The following MSRB3 variants were observed in gnomAD, a reference collection of about 807,000 sequenced individuals.
The protein encoded by MSRB3 is methionine sulfoxide reductase B3.
Under a neutral mutation model 21.0 loss-of-function variants are expected in MSRB3, and 13 were observed. That is an observed-to-expected ratio of 0.62 (90% CI 0.40 to 0.98). MSRB3 has a LOEUF of 0.98. Ranked by LOEUF, MSRB3 falls within the 50% of genes least tolerant of loss-of-function variation. The pLI is 0.00. For synonymous variants in MSRB3, 87 were observed against 88.6 expected, an observed-to-expected ratio of 0.98 and a Z score of 0.10; for missense variants, 199 against 230.3, an observed-to-expected ratio of 0.86 and a Z score of 0.88.
intron 5 of MSRB3, among the ~76,000 whole-genome samples, chr12:65,371,328 C>CAAAAAA (rs34453745): frequency 1.2e-5 from 1 of 84,854 alleles, no homozygotes; most frequent in Non-Finnish European, 2.2e-5. Context: ...GACTCCATCT[C>CAAAAAA]AAAAAAAAAA....
intron 1 of MSRB3, among the ~76,000 whole-genome samples, chr12:65,294,263 C>T (rs1872824081): frequency 6.6e-6 from 1 of 152,180 alleles, no homozygotes; most frequent in South Asian, 2.1e-4. Context: ...AAGCTCCATA[C>T]CTCATGGCCT....
intron 5 of MSRB3, among the ~76,000 whole-genome samples, chr12:65,442,079 A>G (rs1349565104): frequency 1.3e-5 from 2 of 152,090 alleles, no homozygotes; most frequent in Non-Finnish European, 2.9e-5. Context: ...CATATCATAA[A>G]AAGGTGTTGT....
intron 5 of MSRB3, among the ~76,000 whole-genome samples, chr12:65,431,495 G>A (rs1390489626): frequency 2.0e-5 from 3 of 151,926 alleles, no homozygotes; most frequent in Non-Finnish European, 2.9e-5. Context: ...TTCATCACTC[G>A]TTTGGTATAA....
chr12:65,330,786 C>T (rs1306437471), intron 4 of MSRB3, among the ~76,000 whole-genome samples: 1 of 152,152 alleles, frequency 6.6e-6, no homozygotes, highest in African/African-American at 2.4e-5. Context: ...CGTATTTCAC[C>T]TTGGCAAGGC....
chr12:65,380,402 C>A (rs968751945), intron 5 of MSRB3, among the ~76,000 whole-genome samples: 2 of 152,116 alleles, frequency 1.3e-5, no homozygotes, highest in Non-Finnish European at 2.9e-5. Context: ...ATGGTGAAAA[C>A]CCATCTCTAC....
At chr12:65,349,207 T>C (rs1262624857) in intron 4 of MSRB3, among the ~76,000 whole-genome samples, 3 of 152,082 alleles carry the variant, frequency 2.0e-5, no homozygotes, top group South Asian at 2.1e-4. Flanking sequence ...TGATTTCCAG[T>C]TTCATCCATG....
At chr12:65,425,445 AC>A (rs1276881247) in intron 5 of MSRB3, among the ~76,000 whole-genome samples, 1 of 151,746 alleles carries the variant, frequency 6.6e-6, no homozygotes, top group Admixed American at 6.6e-5. Context: ...CTCTTTTATG[AC>A]TTTCCTTTGT....
intron 1 of MSRB3, among the ~76,000 whole-genome samples, chr12:65,279,814 A>G (rs2136377755): frequency 6.6e-6 from 1 of 152,340 alleles, no homozygotes; most frequent in South Asian, 2.1e-4. Flanking sequence ...GTGAAATTGC[A>G]TGGACTTTTA....
At chr12:65,278,986 C>T in intron 1 of MSRB3, 121 bp downstream of exon 1, 3 of 1,491,430 alleles carry the variant, frequency 2.0e-6, no homozygotes, top group Non-Finnish European at 2.7e-6. Context: ...CCCTCGGCCA[C>T]CTGCGGGGAC....
intron 4 of MSRB3, among the ~76,000 whole-genome samples, chr12:65,359,136 C>T (rs114615084): frequency 0.017 from 2,595 of 151,980 alleles, 46 homozygotes; most frequent in East Asian, 0.056. Flanking sequence ...AACAATGGTG[C>T]GTTTAGGCCC....
chr12:65,387,888 C>G (rs1031697417), intron 5 of MSRB3, among the ~76,000 whole-genome samples: 3 of 151,846 alleles, frequency 2.0e-5, no homozygotes, highest in Non-Finnish European at 4.4e-5. Context: ...TAGTGTATGT[C>G]AGTCTTTTCT....
chr12:65,339,036 C>T (rs2136469622), intron 4 of MSRB3, among the ~76,000 whole-genome samples: 1 of 152,254 alleles, frequency 6.6e-6, no homozygotes, highest in South Asian at 2.1e-4. Context: ...AAGATTGTGA[C>T]ACTGGATTCC....
intron 5 of MSRB3, among the ~76,000 whole-genome samples, chr12:65,377,444 C>G (rs2136550595): frequency 6.6e-6 from 1 of 152,142 alleles, no homozygotes; most frequent in East Asian, 1.9e-4. Context: ...GTCCCCCGCC[C>G]TTCTGCAACC....
intron 5 of MSRB3, among the ~76,000 whole-genome samples, chr12:65,443,664 A>G (rs1882486514): frequency 6.6e-6 from 1 of 152,034 alleles, no homozygotes; most frequent in South Asian, 2.1e-4. Context: ...ATAGGCAGTC[A>G]TCATCATTTT....
At chr12:65,375,260 T>C (rs2136545908) in intron 5 of MSRB3, among the ~76,000 whole-genome samples, 1 of 152,222 alleles carries the variant, frequency 6.6e-6, no homozygotes, top group Admixed American at 6.5e-5. Context: ...GTGCTGAGGT[T>C]TGGGTCAGAT....
intron 1 of MSRB3, chr12:65,279,204 G>A: frequency 1.9e-6 from 1 of 525,470 alleles, no homozygotes; most frequent in South Asian, 3.9e-5. Flanking sequence ...AGAGGGATCT[G>A]GCGGGGCAGC....
chr12:65,305,159 C>T (rs998055769), intron 1 of MSRB3: 2 of 151,856 alleles, frequency 1.3e-5, no homozygotes, highest in African/African-American at 2.4e-5. Flanking sequence ...TCTCTGCCTC[C>T]CAGGTTCAAG....
chr12:65,309,945 A>T (rs1873889463), intron 2 of MSRB3, among the ~76,000 whole-genome samples: 1 of 152,154 alleles, frequency 6.6e-6, no homozygotes, highest in African/African-American at 2.4e-5. Context: ...AAGGAATTTA[A>T]GTCTTGGGGA....
intron 1 of MSRB3, among the ~76,000 whole-genome samples, chr12:65,281,004 A>G (rs1871982573): frequency 6.6e-6 from 1 of 152,110 alleles, no homozygotes; most frequent in South Asian, 2.1e-4. Context: ...GTGTGGGAGG[A>G]TTGCTTGAAC....
Sources: gnomAD v4.1 joint callset for allele counts (sites outside exome capture counted in the v4.1 genomes callset) on GRCh38, gnomAD v4.1.1 for gene constraint, MANE v1.5 for transcripts, NCBI Gene and HGNC (gene_info 2026-07-23, HGNC 2026-07-21) for gene names.